Variants in ARSG observed in about 807,000 individuals in gnomAD.
ARSG encodes the protein ASG.
Under a neutral mutation model 50.5 loss-of-function variants are expected in ARSG, and 37 were observed. The observed-to-expected ratio is 0.73, with a 90% CI of 0.56 to 0.96. The LOEUF (loss-of-function observed/expected upper bound fraction) is 0.96. ARSG is among the 50% of genes least tolerant of loss of function. The pLI is 0.00. For missense variants in ARSG, 629 were observed against 675.3 expected (o/e 0.93, Z 0.76); for synonymous variants, 225 against 254.6 (o/e 0.88, Z 1.11).
intron 11 of ARSG, among the ~76,000 whole-genome samples, chr17:68,408,757 C>T (rs2081864059): frequency 6.6e-6 from 1 of 150,918 alleles, no homozygotes; most frequent in Non-Finnish European, 1.5e-5. Flanking sequence ...TAAAAGTGTT[C>T]CTATTTCTCC....
At chr17:68,395,715 A>C (rs2081213590) in intron 10 of ARSG, among the ~76,000 whole-genome samples, 1 of 152,200 alleles carries the variant, frequency 6.6e-6, no homozygotes, top group Non-Finnish European at 1.5e-5. Context: ...ATAGCTACCC[A>C]GTATTTTTGT....
At chr17:68,325,946 A>G (rs909892774) in intron 2 of ARSG, among the ~76,000 whole-genome samples, 16 of 152,220 alleles carry the variant, frequency 1.1e-4, no homozygotes, top group Non-Finnish European at 2.2e-4. Context: ...CCCACACTGC[A>G]TTAGTATCCA....
intron 8 of ARSG, among the ~76,000 whole-genome samples, chr17:68,374,256 T>C (rs920786201): frequency 1.2e-4 from 18 of 152,056 alleles, no homozygotes; most frequent in Admixed American, 9.2e-4. Context: ...TTTCTGTACC[T>C]GGGACACTCT....
At chr17:68,448,649 G>C in the ARSG span, among the ~76,000 whole-genome samples, 2 of 152,166 alleles carry the variant, frequency 1.3e-5, no homozygotes, top group Non-Finnish European at 2.9e-5. Flanking sequence ...AAATACAATA[G>C]ACGCTATTTG....
intron 6 of ARSG, among the ~76,000 whole-genome samples, chr17:68,365,646 C>T (rs892794279): frequency 6.6e-6 from 1 of 152,170 alleles, no homozygotes; most frequent in African/African-American, 2.4e-5. Flanking sequence ...GACCACCCCT[C>T]GCCCATACAC....
chr17:68,262,049 CAGG>C (rs1311676595), intron 1 of ARSG, among the ~76,000 whole-genome samples: 1 of 151,520 alleles, frequency 6.6e-6, no homozygotes, highest in African/African-American at 2.4e-5. Flanking sequence ...CTCAGCTACT[CAGG>C]AGGCTCAGGC....
intron 1 of ARSG, among the ~76,000 whole-genome samples, chr17:68,277,297 A>T (rs1354796079): frequency 1.3e-5 from 2 of 151,792 alleles, no homozygotes; most frequent in Non-Finnish European, 2.9e-5. Context: ...TGCCCAGTTA[A>T]TTTTTTGTAT....
chr17:68,262,170 CA>C (rs35446089), intron 1 of ARSG, among the ~76,000 whole-genome samples: 38,661 of 137,706 alleles, frequency 0.28, 5,379 homozygotes, highest in Middle Eastern at 0.37. Flanking sequence ...CGAAAACAAA[CA>C]AAAAAAAAAA....
At chr17:68,297,667 A>C (rs1028210110) in intron 1 of ARSG, among the ~76,000 whole-genome samples, 1 of 152,044 alleles carries the variant, frequency 6.6e-6, no homozygotes, top group Non-Finnish European at 1.5e-5. Flanking sequence ...GGGTCTTGCT[A>C]TGTTGCCCAG....
chr17:68,267,867 G>A (rs186242875), intron 1 of ARSG: 10 of 152,254 alleles, frequency 6.6e-5, no homozygotes, highest in African/African-American at 2.2e-4. Context: ...CTTGTAACTC[G>A]CTATAACATA....
the ARSG span, chr17:68,430,308 C>T: frequency 9.6e-6 from 7 of 730,302 alleles, no homozygotes; most frequent in Admixed American, 6.1e-5. Context: ...TGAGAACAAT[C>T]CAGGACGTAT....
At chr17:68,346,594 C>T (rs571078177) in intron 3 of ARSG, among the ~76,000 whole-genome samples, 5 of 152,030 alleles carry the variant, frequency 3.3e-5, no homozygotes, top group African/African-American at 1.2e-4. Flanking sequence ...ATTTGCAGAC[C>T]GAGGAGCAGC....
At chr17:68,350,076 G>A (rs561899959) in intron 4 of ARSG, among the ~76,000 whole-genome samples, 12 of 152,286 alleles carry the variant, frequency 7.9e-5, no homozygotes, top group African/African-American at 2.9e-4. Context: ...GGGATGCAGT[G>A]AAGAGCAGGG....
At chr17:68,422,857 C>T (rs994899716), downstream of ARSG, 1 of 151,756 alleles carries the variant, frequency 6.6e-6, no homozygotes, top group Non-Finnish European at 1.5e-5. Flanking sequence ...TTGGCTTGTT[C>T]CTGAAACAAA....
At chr17:68,417,651 T>G (rs1201774382) in intron 11 of ARSG, among the ~76,000 whole-genome samples, 2 of 151,912 alleles carry the variant, frequency 1.3e-5, no homozygotes, top group Non-Finnish European at 2.9e-5. Flanking sequence ...TGTTTCTATT[T>G]GCTTGTCTGT....
At chr17:68,285,733 G>C (rs1380680619) in intron 1 of ARSG, 1 of 152,162 alleles carries the variant, frequency 6.6e-6, no homozygotes, top group South Asian at 2.1e-4. Flanking sequence ...CAAGTGGCTA[G>C]GACTATAGGT....
the ARSG span, among the ~76,000 whole-genome samples, chr17:68,434,033 G>A: frequency 3.3e-5 from 5 of 151,982 alleles, no homozygotes; most frequent in Non-Finnish European, 7.4e-5. Flanking sequence ...GCCTCCCAGA[G>A]TGCTGGGATT....
chr17:68,368,481 A>G, intron 6 of ARSG, 67 bp from the exon 7 acceptor site: 3 of 1,468,346 alleles, frequency 2.0e-6, no homozygotes, highest in Non-Finnish European at 2.8e-6. Flanking sequence ...GAGAGGGAGG[A>G]TCCCTGAGGC....
At chr17:68,395,389 A>G (rs763517638) in intron 10 of ARSG, among the ~76,000 whole-genome samples, 196 bp downstream of exon 10, 49 of 152,232 alleles carry the variant, frequency 3.2e-4, no homozygotes, top group Non-Finnish European at 1.3e-4. Context: ...GGAGTTCGAG[A>G]CCAGCCTGAC....
Sources: allele counts gnomAD v4.1 joint callset (sites outside exome capture counted in the v4.1 genomes callset), GRCh38; gene constraint gnomAD v4.1.1; transcripts MANE v1.5; gene names NCBI Gene and HGNC (gene_info 2026-07-23, HGNC 2026-07-21).